The following CLDN14 variants were observed in gnomAD, a reference collection of about 807,000 sequenced individuals.
CLDN14 encodes the protein claudin 14, also known as claudin-14.
Under a neutral mutation model 2.1 loss-of-function variants are expected in CLDN14, and 2 were observed. The observed-to-expected ratio is 0.96, with a 90% CI of 0.39 to 3.01. The LOEUF (loss-of-function observed/expected upper bound fraction) is 3.01. Among genes scored for constraint, CLDN14 ranks in the 30% most tolerant of loss-of-function variants. The pLI is 0.09. For synonymous variants in CLDN14, 136 were observed against 154.4 expected (o/e 0.88, Z 0.88); for missense variants, 298 against 328.0 (o/e 0.91, Z 0.71).
chr21:36,571,422 T>C (rs975017522), intron 1 of CLDN14, among the ~76,000 whole-genome samples: 3 of 152,232 alleles, frequency 2.0e-5, no homozygotes, highest in Admixed American at 2.0e-4. Context: ...TACAATGTCA[T>C]GTGGAGGTTT....
chr21:36,560,429 A>G (rs1419321622), intron 1 of CLDN14, among the ~76,000 whole-genome samples: 2 of 152,194 alleles, frequency 1.3e-5, no homozygotes, highest in East Asian at 1.9e-4. Flanking sequence ...TATATAACAG[A>G]TTAGTTGGCA....
intron 2 of CLDN14, among the ~76,000 whole-genome samples, chr21:36,495,341 T>C (rs1025537409): frequency 1.3e-5 from 2 of 151,982 alleles, no homozygotes; most frequent in African/African-American, 4.8e-5. Context: ...GAAAAATAAA[T>C]AATAAATAAA....
At chr21:36,497,544 T>A (rs12482492) in intron 2 of CLDN14, among the ~76,000 whole-genome samples, 2,528 of 152,050 alleles carry the variant, frequency 0.017, 64 homozygotes, top group African/African-American at 0.057. Flanking sequence ...AACTCTTATC[T>A]TTCAGCAAAC....
At chr21:36,543,226 C>A (rs1568876177) in intron 1 of CLDN14, among the ~76,000 whole-genome samples, 1 of 152,216 alleles carries the variant, frequency 6.6e-6, no homozygotes, top group Non-Finnish European at 1.5e-5. Context: ...CCGTTCTCTC[C>A]TTTTTTCATT....
intron 1 of CLDN14, among the ~76,000 whole-genome samples, chr21:36,563,017 C>G (rs904582600): frequency 2.0e-5 from 3 of 152,130 alleles, no homozygotes. Flanking sequence ...TGCAAAAATG[C>G]AGAATGAAAT....
At chr21:36,488,762 A>G (rs1364804584) in intron 2 of CLDN14, among the ~76,000 whole-genome samples, 1 of 152,086 alleles carries the variant, frequency 6.6e-6, no homozygotes, top group Non-Finnish European at 1.5e-5. Context: ...CGTGTACTTA[A>G]TGTCACAGAA....
intron 1 of CLDN14, among the ~76,000 whole-genome samples, chr21:36,558,642 T>A (rs1041122528): frequency 6.6e-6 from 1 of 152,134 alleles, no homozygotes; most frequent in Non-Finnish European, 1.5e-5. Flanking sequence ...TAAAGGAAAT[T>A]ATTTTTAAAT....
chr21:36,571,392 C>G (rs2087709421), intron 1 of CLDN14, among the ~76,000 whole-genome samples: 1 of 152,226 alleles, frequency 6.6e-6, no homozygotes, highest in African/African-American at 2.4e-5. Context: ...GCTCCTACCT[C>G]TCTTGTAATG....
At chr21:36,534,060 A>G (rs962666467) in intron 1 of CLDN14, among the ~76,000 whole-genome samples, 1 of 152,178 alleles carries the variant, frequency 6.6e-6, no homozygotes, top group Non-Finnish European at 1.5e-5. Context: ...GAACACAGAA[A>G]AATTGCAATA....
intron 2 of CLDN14, among the ~76,000 whole-genome samples, chr21:36,508,107 C>T (rs902919780): frequency 1.3e-5 from 2 of 152,150 alleles, no homozygotes; most frequent in Non-Finnish European, 2.9e-5. Context: ...ATTACAAATG[C>T]TCTTGGCCGA....
intron 1 of CLDN14, among the ~76,000 whole-genome samples, chr21:36,477,967 C>T (rs961198494): frequency 1.3e-5 from 2 of 152,206 alleles, no homozygotes; most frequent in Non-Finnish European, 2.9e-5. Flanking sequence ...AGGCTGGCCA[C>T]CTGCGTTTTA....
intron 1 of CLDN14, among the ~76,000 whole-genome samples, chr21:36,563,357 G>A (rs2087650780): frequency 6.6e-6 from 1 of 151,946 alleles, no homozygotes; most frequent in Non-Finnish European, 1.5e-5. Context: ...TGGATATGTT[G>A]GCCTGGTTTC....
chr21:36,478,400 T>G (rs1282997624), intron 1 of CLDN14, among the ~76,000 whole-genome samples: 2 of 152,216 alleles, frequency 1.3e-5, no homozygotes, highest in African/African-American at 4.8e-5. Flanking sequence ...AATGACTGTC[T>G]ACATAGGAAT....
intron 1 of CLDN14, chr21:36,526,540 A>G (rs1224533098): frequency 1.3e-5 from 2 of 152,254 alleles, no homozygotes; most frequent in Non-Finnish European, 2.9e-5. Flanking sequence ...GGAAAAGACC[A>G]TGAATCTTAT....
chr21:36,505,001 A>AT (rs1183030929), intron 2 of CLDN14, among the ~76,000 whole-genome samples: 3 of 152,048 alleles, frequency 2.0e-5, no homozygotes, highest in Non-Finnish European at 4.4e-5. Context: ...AATCTGGAAG[A>AT]TTTTCCCTGC....
At chr21:36,484,300 T>C (rs1351338281), upstream of CLDN14, among the ~76,000 whole-genome samples, 7 of 152,242 alleles carry the variant, frequency 4.6e-5, no homozygotes, top group Admixed American at 2.6e-4. Flanking sequence ...CTTTCTGACG[T>C]GAACAGTGAA....
At chr21:36,568,908 T>G (rs1250932390) in intron 1 of CLDN14, among the ~76,000 whole-genome samples, 1 of 152,246 alleles carries the variant, frequency 6.6e-6, no homozygotes, top group Non-Finnish European at 1.5e-5. Context: ...CTTATTTGAT[T>G]AACCAGTTTG....
intron 1 of CLDN14, among the ~76,000 whole-genome samples, chr21:36,533,423 G>A (rs2087397007): frequency 6.6e-6 from 1 of 152,206 alleles, no homozygotes; most frequent in South Asian, 2.1e-4. Context: ...GCCTGAAGAT[G>A]CTTCCGGCTT....
At chr21:36,516,593 A>G (rs956154524) in intron 1 of CLDN14, among the ~76,000 whole-genome samples, 5 of 152,240 alleles carry the variant, frequency 3.3e-5, no homozygotes, top group African/African-American at 1.2e-4. Flanking sequence ...CCAACAAAGT[A>G]CTACATTTGT....
Sources: gnomAD v4.1 joint callset for allele counts (sites outside exome capture counted in the v4.1 genomes callset) on GRCh38, gnomAD v4.1.1 for gene constraint, MANE v1.5 for transcripts, NCBI Gene and HGNC (gene_info 2026-07-23, HGNC 2026-07-21) for gene names.